CD99: variants seen among roughly 807,000 people sequenced by gnomAD.
The protein encoded by CD99 is CD99 molecule (Xg blood group).
In CD99, 19 loss-of-function variants were observed where a neutral mutation model predicts 28.4. The observed-to-expected ratio is 0.67, with a 90% confidence interval of 0.47 to 0.98. The LOEUF (loss-of-function observed/expected upper bound fraction) is 0.98, where lower values mean the gene tolerates loss of function less well. CD99 is among the 50% of genes least tolerant of loss of function. The pLI is 0.00. For missense variants in CD99, 283 were observed against 248.8 expected (o/e 1.14, Z -0.92); for synonymous variants, 103 against 92.1 (o/e 1.12, Z -0.67).
intron 1 of CD99, among the ~76,000 whole-genome samples, chrX:2,702,152 A>G (rs2047892736): frequency 6.6e-6 from 1 of 152,204 alleles, no homozygotes; most frequent in South Asian, 2.1e-4. Flanking sequence ...AAAGCGCTTC[A>G]GGTGGGCTAG....
rs767170322 is a variant in CD99 at position 2,726,387 on chromosome X, C to T, written c.475+14C>T. The T allele has an allele frequency of 9.2e-5, 136 of 1,475,348 alleles. 1 individual carries two copies. The highest frequency in any genetic ancestry group is 2.3e-4 in the East Asian group (10 of 44,282). The allele number at this position is 1,475,348 out of a possible 1,614,324, so 91.4% of individuals were successfully genotyped here. A position where few individuals can be genotyped will look rare whatever the true frequency, so the allele number is the denominator to read the frequency against. ...TCAAAGAAAATGGTAAGTCTCAGTC[C>T]GCCGGTGCCTCTCCTTCATGCCTTG... On this transcript the variant is annotated intron_variant, in intron 8 of 9. Coordinates refer to ENST00000381192, the MANE Select transcript of CD99 (RefSeq NM_002414.5).
intron 1 of CD99, among the ~76,000 whole-genome samples, chrX:2,695,497 C>T (rs1318691337): frequency 6.6e-6 from 1 of 152,068 alleles, no homozygotes; most frequent in African/African-American, 2.4e-5. Flanking sequence ...CTACAGCCTC[C>T]ACCTCCTGGG....
At chrX:2,697,744 C>T (rs1004714030) in intron 1 of CD99, among the ~76,000 whole-genome samples, 3 of 152,104 alleles carry the variant, frequency 2.0e-5, no homozygotes, top group African/African-American at 7.2e-5. Context: ...TCTTCTGCTG[C>T]TGTTGCTAGC....
intron 1 of CD99, among the ~76,000 whole-genome samples, chrX:2,703,207 G>A (rs1172166898): frequency 2.6e-5 from 4 of 152,158 alleles, no homozygotes; most frequent in East Asian, 1.9e-4. Flanking sequence ...TTGGTGTCCC[G>A]TGTTTTGTGT....
chrX:2,708,161 CT>C (rs1393560847), intron 1 of CD99, among the ~76,000 whole-genome samples: 1 of 151,602 alleles, frequency 6.6e-6, no homozygotes, highest in Non-Finnish European at 1.5e-5. Context: ...TCACACACAC[CT>C]GGGGAACTGC....
At chrX:2,723,292 A>G (rs2049095274) in intron 6 of CD99, 22 bp from the exon 7 acceptor site, 2 of 1,613,766 alleles carry the variant, frequency 1.2e-6, no homozygotes, top group Non-Finnish European at 1.7e-6. Context: ...TTCCCATTGC[A>G]GACGTTGTTT....
At chrX:2,719,635 A>G in intron 3 of CD99, 26 bp from the exon 4 acceptor site, 1 of 1,610,814 alleles carries the variant, frequency 6.2e-7, no homozygotes, top group African/African-American at 1.3e-5. Context: ...GGAATTTGGT[A>G]TTAACTGCTC....
intron 7 of CD99, among the ~76,000 whole-genome samples, chrX:2,723,936 A>G (rs2049133546): frequency 2.1e-5 from 3 of 145,924 alleles, no homozygotes; most frequent in African/African-American, 7.9e-5. Flanking sequence ...AAAGAGAAAC[A>G]GAGAAGTAGG....
chrX:2,726,541 C>G, intron 8 of CD99, 168 bp downstream of exon 8: 1 of 695,346 alleles, frequency 1.4e-6, no homozygotes, highest in Non-Finnish European at 2.6e-6. Context: ...GCTTTGATTT[C>G]AGGGCTGTTC....
intron 8 of CD99, among the ~76,000 whole-genome samples, chrX:2,734,126 T>G (rs2049814977): frequency 6.6e-6 from 1 of 152,170 alleles, no homozygotes; most frequent in Admixed American, 6.5e-5. Context: ...TGGATTTTCC[T>G]TCTGTTTCCA....
rs1327658591 is a variant in CD99 at position 2,691,645 on chromosome X, C to CAA, written c.67+218_67+219insAA. 7.0e-6 allele frequency: 5 copies of CAA among 710,122 alleles called. No homozygotes were observed. In the African/African-American group the frequency reaches 8.7e-5, roughly 12 times the overall value. The allele number at this position is 710,122 out of a possible 1,614,324, so 44.0% of individuals were successfully genotyped here. The stretch of plus-strand genomic sequence containing the variant: ...GAGCCGTTCCAGAGAGAAAAGTCAG[C>CAA]GTTTGTTGTCGGAGTTGCAAACTCT... On this transcript the variant is annotated intron_variant, in intron 1 of 9. Coordinates refer to ENST00000381192, the MANE Select transcript of CD99 (RefSeq NM_002414.5).
chrX:2,740,463 C>G (rs185237218), intron 9 of CD99, among the ~76,000 whole-genome samples: 1 of 152,140 alleles, frequency 6.6e-6, no homozygotes, highest in Non-Finnish European at 1.5e-5. Flanking sequence ...TGCACACTCT[C>G]ATTTAGAAGA....
intron 1 of CD99, among the ~76,000 whole-genome samples, chrX:2,702,222 G>A (rs2047895235): frequency 6.6e-6 from 1 of 152,116 alleles, no homozygotes; most frequent in Admixed American, 6.6e-5. Context: ...CTTGAGGGGT[G>A]AATAGACATT....
chrX:2,723,336 A>G lies in CD99; in HGVS notation c.333A>G (p.Gly111=). ...CAGGAAAAGGAGGCAGTGATGGTGG[A>G]GGCAGCCACAGGAAAGAAGGGGAAG... The part of the protein sequence containing the change: ...GGEGKGGSDG[G]GSHRKEGEEA... Residue 111 remains glycine, a synonymous_variant, in exon 7 of 10, where the codon GGA becomes GGG. Coordinates refer to ENST00000381192, the MANE Select transcript of CD99 (RefSeq NM_002414.5). The G allele has an allele frequency of 1.2e-6, 2 of 1,613,908 alleles. No homozygotes were observed. The highest frequency in any genetic ancestry group is 1.7e-6 in the Non-Finnish European group (2 of 1,179,852).
chrX:2,718,521 A>C (rs1371456299), intron 3 of CD99, among the ~76,000 whole-genome samples: 1 of 152,042 alleles, frequency 6.6e-6, no homozygotes, highest in East Asian at 1.9e-4. Context: ...GGCAGCGGCC[A>C]CCACGCCCAG....
intron 8 of CD99, among the ~76,000 whole-genome samples, chrX:2,727,038 GA>G (rs1384011216): frequency 2.0e-5 from 3 of 152,214 alleles, no homozygotes; most frequent in African/African-American, 7.2e-5. Flanking sequence ...TCGGAAGGCT[GA>G]GGCAGGAGAA....
intron 1 of CD99, among the ~76,000 whole-genome samples, chrX:2,708,741 CTTG>C (rs1162694310): frequency 2.6e-5 from 4 of 152,130 alleles, no homozygotes; most frequent in Non-Finnish European, 4.4e-5. Context: ...CACTCTCAGA[CTTG>C]TTGTCTTGGA....
At chrX:2,738,013 G>A (rs1306192640) in intron 8 of CD99, 187 bp from the exon 9 acceptor site, 2 of 726,018 alleles carry the variant, frequency 2.8e-6, no homozygotes, top group African/African-American at 1.7e-5. Flanking sequence ...AAAAATACTG[G>A]CAAAGTCTTC....
rs756694093 is a variant in CD99, at chrX:2,740,862, G to A, written c.*58G>A. On this transcript the variant is annotated 3_prime_UTR_variant, in exon 10 of 10. Transcript: ENST00000381192. The stretch of plus-strand genomic sequence containing the variant: ...CAGCAGGGTTAGAACAGCTGCCTGA[G>A]GCTCCTCCCTGAAGGACACCTGCCT... 1.3e-6 allele frequency: 2 copies of A among 1,593,760 alleles called. No individual in the cohort carries two copies. Among genetic ancestry groups the A allele is most frequent in the Non-Finnish European group, 1.7e-6 (2 of 1,161,576 alleles).
Sources: allele counts gnomAD v4.1 joint callset (sites outside exome capture counted in the v4.1 genomes callset), GRCh38; gene constraint gnomAD v4.1.1; transcripts MANE v1.5; gene names NCBI Gene and HGNC (gene_info 2026-07-23, HGNC 2026-07-21).